Variants in RERE observed in about 807,000 individuals in gnomAD.
The protein encoded by RERE is arginine-glutamic acid dipeptide repeats.
Under a neutral mutation model 146.1 loss-of-function variants are expected in RERE, and 40 were observed. That is an observed-to-expected ratio of 0.27 (90% confidence interval 0.21 to 0.36). The LOEUF (loss-of-function observed/expected upper bound fraction) is 0.36, where lower values mean the gene tolerates loss of function less well. RERE is among the 10% of genes least tolerant of loss of function. RERE has a pLI of 1.00. For synonymous variants in RERE, 1,003 were observed against 866.0 expected, an observed-to-expected ratio of 1.16 and a Z score of -2.78; for missense variants, 1,933 against 2,138.7, an observed-to-expected ratio of 0.90 and a Z score of 1.90.
At chr1:8,525,567 T>C (rs907736478) in intron 7 of RERE, among the ~76,000 whole-genome samples, 5 of 152,236 alleles carry the variant, frequency 3.3e-5, no homozygotes, top group Admixed American at 6.5e-5. Context: ...GCTGAATGCC[T>C]CTCCGGTAGT....
At chr1:8,651,368 C>A (rs1250782397) in intron 2 of RERE, among the ~76,000 whole-genome samples, 1 of 152,090 alleles carries the variant, frequency 6.6e-6, no homozygotes. Context: ...TATGATCACG[C>A]CACTACCCTC....
At position 8,616,946 on chromosome 1, in the gene RERE, T is replaced by A. The variant is rs538261718; in HGVS notation, c.397-2260A>T. 1.2e-4 allele frequency among the ~76,000 whole-genome samples: 18 copies of A among 152,306 alleles called. 1 individual carries two copies. In the East Asian group the frequency reaches 3.5e-3, roughly 29 times the overall value. ...TGACATCAGTATCATGCAAAAAGGA[T>A]GTGGTCGTTCAAAAAACTTTCAACA... On this transcript the variant is annotated intron_variant, in intron 3 of 22. Coordinates refer to ENST00000400908, the MANE Select transcript of RERE (RefSeq NM_001042681.2).
intron 12 of RERE, among the ~76,000 whole-genome samples, chr1:8,383,593 G>A (rs936843829): frequency 5.9e-5 from 9 of 152,154 alleles, no homozygotes; most frequent in African/African-American, 2.2e-4. Flanking sequence ...AGGTGCGGTG[G>A]CTCATACCTG....
At chr1:8,367,950 G>C (rs1641879291) in intron 12 of RERE, among the ~76,000 whole-genome samples, 1 of 152,182 alleles carries the variant, frequency 6.6e-6, no homozygotes, top group Non-Finnish European at 1.5e-5. Flanking sequence ...ACGCTGACTT[G>C]TGTCTGGTTT....
chr1:8,549,555 A>G (rs1645909135), intron 6 of RERE, among the ~76,000 whole-genome samples: 1 of 152,226 alleles, frequency 6.6e-6, no homozygotes, highest in African/African-American at 2.4e-5. Flanking sequence ...AAGCTTCACA[A>G]AAGTAACTTT....
intron 1 of RERE, among the ~76,000 whole-genome samples, chr1:8,768,764 T>C (rs779848172): frequency 5.9e-5 from 9 of 152,192 alleles, no homozygotes; most frequent in Non-Finnish European, 1.3e-4. Context: ...CGCTTGTCCC[T>C]GAAGAGCCTT....
intron 11 of RERE, 105 bp downstream of exon 11, chr1:8,465,820 G>T: frequency 2.2e-6 from 2 of 928,726 alleles, no homozygotes; most frequent in Non-Finnish European, 3.5e-6. Context: ...CAGCCATTCT[G>T]CATGACTGAA....
At chr1:8,425,465 A>G (rs929559501) in intron 11 of RERE, among the ~76,000 whole-genome samples, 1 of 152,184 alleles carries the variant, frequency 6.6e-6, no homozygotes, top group African/African-American at 2.4e-5. Context: ...TGCCTTCGCC[A>G]AGGCAGTGAC....
At chr1:8,481,592 A>G (rs1644835166) in intron 10 of RERE, among the ~76,000 whole-genome samples, 1 of 152,246 alleles carries the variant, frequency 6.6e-6, no homozygotes, top group South Asian at 2.1e-4. Context: ...ATTCATAAAA[A>G]GCACTTAAAC....
intron 1 of RERE, among the ~76,000 whole-genome samples, chr1:8,816,311 C>CTTA (rs766823350): frequency 3.3e-5 from 5 of 152,088 alleles, no homozygotes; most frequent in Non-Finnish European, 7.4e-5. Context: ...CTAAATGTAC[C>CTTA]TTAAAAAAGC....
chr1:8,763,164 T>C (rs1569740136), intron 1 of RERE, among the ~76,000 whole-genome samples: 1 of 152,120 alleles, frequency 6.6e-6, no homozygotes, highest in Non-Finnish European at 1.5e-5. Context: ...GTTACAACCA[T>C]AGGAACAAAT....
chr1:8,797,372 C>T (rs1372443484), intron 1 of RERE, among the ~76,000 whole-genome samples: 1 of 45,622 alleles, frequency 2.2e-5, no homozygotes, highest in Non-Finnish European at 4.1e-5. Context: ...AGTAAGACTC[C>T]GCCTAAAAAA....
At position 8,669,861 on chromosome 1, in the gene RERE, CAG is replaced by C. The variant is rs1638674796; in HGVS notation, c.-144-13422_-144-13421del. On this transcript the variant is annotated intron_variant, in intron 1 of 22. Coordinates refer to ENST00000400908, the MANE Select transcript of RERE (RefSeq NM_001042681.2). ...CTCAGCGTGTGATGAAAGGAAATGA[CAG>C]GGTGAATTTTATATTTAACTTAATA... Among the ~76,000 whole-genome samples, 3 of 152,280 alleles carry C rather than the reference CAG, an allele frequency of 2.0e-5. No individual in the cohort carries two copies. In the South Asian group the frequency reaches 6.2e-4, roughly 32 times the overall value.
intron 8 of RERE, among the ~76,000 whole-genome samples, chr1:8,500,285 G>T (rs1645112726): frequency 6.6e-6 from 1 of 152,168 alleles, no homozygotes; most frequent in Non-Finnish European, 1.5e-5. Context: ...CTATTACTGT[G>T]AGCAGGACCA....
rs1193101709 is a variant in RERE at position 8,356,428 on chromosome 1, G to A, written c.4340-182C>T. ...GTGGCTGCCTCCACCTTCAGCAAGA[G>A]CTCCAGAGGCCGAGAGAAGTGACGA... is the stretch of plus-strand genomic sequence containing the variant. On this transcript the variant is annotated intron_variant, in intron 20 of 22. Transcript: ENST00000400908. This position sits in a 1 kb window ranked among gnomAD's most constrained non-coding sequence, Gnocchi z 5.2. Among the ~76,000 whole-genome samples the A allele has an allele frequency of 1.3e-5, 2 of 152,284 alleles. No homozygotes were observed. Among genetic ancestry groups the A allele is most frequent in the Non-Finnish European group, 2.9e-5 (2 of 68,020 alleles).
chr1:8,709,102 A>T (rs1450908210), intron 1 of RERE, among the ~76,000 whole-genome samples: 2 of 151,362 alleles, frequency 1.3e-5, no homozygotes, highest in African/African-American at 4.9e-5. Flanking sequence ...GTATTTTTTT[A>T]GTAGAGACGG....
At chr1:8,650,128 C>G (rs1325834940) in intron 2 of RERE, among the ~76,000 whole-genome samples, 1 of 152,088 alleles carries the variant, frequency 6.6e-6, no homozygotes, top group Non-Finnish European at 1.5e-5. Context: ...TTAAGGTAAT[C>G]CCAGAGTTTA....
At chr1:8,433,723 G>A (rs1321306225) in intron 11 of RERE, among the ~76,000 whole-genome samples, 2 of 151,576 alleles carry the variant, frequency 1.3e-5, no homozygotes, top group African/African-American at 4.9e-5. Flanking sequence ...ACCGCGCCCG[G>A]CTAATTTTTT....
rs1459493697 is a variant in RERE, at chr1:8,422,733, C to T, written c.1278G>A (p.Lys426=). 1 of 1,611,458 alleles carries T rather than the reference C, an allele frequency of 6.2e-7. No individual in the cohort carries two copies. The highest frequency in any genetic ancestry group is 8.5e-7 in the Non-Finnish European group (1 of 1,177,704). ...AAAGTCCAATTGTACTCACTGTTTC[C>T]TTATTGGGAAGCAGCTCCTTTCTAA... ...FRIRKELLPN[K]ETGELITFYY... is the part of the protein sequence containing the mutation. The change falls in exon 12 of 23, where the codon AAG becomes AAA. Residue 426 remains lysine (K), a synonymous_variant. Coordinates refer to ENST00000400908, the MANE Select transcript of RERE (RefSeq NM_001042681.2).
Sources: gnomAD v4.1 joint callset for allele counts (sites outside exome capture counted in the v4.1 genomes callset) on GRCh38, gnomAD v4.1.1 for gene constraint, Gnocchi (gnomAD v3.1) non-coding constraint, MANE v1.5 for transcripts, NCBI Gene and HGNC (gene_info 2026-07-23, HGNC 2026-07-21) for gene names.